The following KCNU1 variants were observed in gnomAD, a reference collection of about 807,000 sequenced individuals.
KCNU1 encodes potassium calcium-activated channel subfamily U member 1.
KCNU1 carries 93 observed loss-of-function variants against 126.8 expected under a neutral mutation model. The ratio of observed to expected loss-of-function variants is 0.73; its 90% CI spans 0.62 to 0.87. The LOEUF (loss-of-function observed/expected upper bound fraction) is 0.87. Ranked by LOEUF, KCNU1 falls within the 40% of genes least tolerant of loss-of-function variation. The pLI is 0.00. For synonymous variants in KCNU1, 523 were observed against 494.2 expected (o/e 1.06, Z -0.77); for missense variants, 1,330 against 1,367.1 (o/e 0.97, Z 0.43).
At chr8:36,898,702 T>A (rs1807297671) in intron 19 of KCNU1, among the ~76,000 whole-genome samples, 1 of 152,148 alleles carries the variant, frequency 6.6e-6, no homozygotes, top group Non-Finnish European at 1.5e-5. Flanking sequence ...GAAAACCTTA[T>A]GCCAACAACT....
At chr8:36,909,798 A>T (rs916061922) in intron 21 of KCNU1, among the ~76,000 whole-genome samples, 1 of 152,202 alleles carries the variant, frequency 6.6e-6, no homozygotes, top group Non-Finnish European at 1.5e-5. Context: ...TAAGATTTAA[A>T]TCCAGATGTT....
intron 18 of KCNU1, among the ~76,000 whole-genome samples, chr8:36,859,443 C>A (rs761812769): frequency 6.6e-6 from 1 of 152,104 alleles, no homozygotes; most frequent in African/African-American, 2.4e-5. Flanking sequence ...TTTCTCCCCG[C>A]TACTATACTC....
intron 4 of KCNU1, among the ~76,000 whole-genome samples, 168 bp from the exon 5 acceptor site, chr8:36,806,101 C>A (rs1380174491): frequency 2.0e-5 from 3 of 152,094 alleles, no homozygotes; most frequent in African/African-American, 7.2e-5. Flanking sequence ...GCCTTGGCCT[C>A]CCAAAGCATC....
At chr8:36,913,392 C>T (rs1267081481) in intron 22 of KCNU1, among the ~76,000 whole-genome samples, 1 of 151,840 alleles carries the variant, frequency 6.6e-6, no homozygotes, top group East Asian at 1.9e-4. Context: ...GAAGGAATGC[C>T]AAAGTATTTG....
intron 24 of KCNU1, among the ~76,000 whole-genome samples, chr8:36,928,687 C>T (rs1363172472): frequency 2.0e-5 from 3 of 152,152 alleles, no homozygotes; most frequent in Non-Finnish European, 4.4e-5. Flanking sequence ...TAAAAATTAC[C>T]TATCCATTGA....
intron 9 of KCNU1, among the ~76,000 whole-genome samples, chr8:36,817,161 C>T (rs1369030467): frequency 1.2e-4 from 18 of 152,070 alleles, no homozygotes; most frequent in Admixed American, 1.2e-3. Context: ...TCTGATGCTT[C>T]TTTTGTATTA....
At chr8:36,919,446 A>AAAAAT (rs1463886624) in intron 23 of KCNU1, among the ~76,000 whole-genome samples, 2 of 147,786 alleles carry the variant, frequency 1.4e-5, no homozygotes, top group Non-Finnish European at 3.0e-5. Flanking sequence ...AAAAAAAAAA[A>AAAAAT]CTCTCGAAGA....
At chr8:36,908,667 AT>A (rs1807735567) in intron 20 of KCNU1, among the ~76,000 whole-genome samples, 1 of 151,758 alleles carries the variant, frequency 6.6e-6, no homozygotes, top group South Asian at 2.1e-4. Context: ...GGGAAATTAA[AT>A]TTTTATAATA....
chr8:36,933,258 C>G (rs914026286), intron 26 of KCNU1, among the ~76,000 whole-genome samples: 3 of 152,084 alleles, frequency 2.0e-5, no homozygotes, highest in Non-Finnish European at 4.4e-5. Flanking sequence ...AATGGAGTCT[C>G]TGTCCCCCAG....
At chr8:36,847,498 C>T (rs1178896625) in intron 18 of KCNU1, among the ~76,000 whole-genome samples, 2 of 151,876 alleles carry the variant, frequency 1.3e-5, no homozygotes, top group East Asian at 3.9e-4. Flanking sequence ...CTGCATCTTC[C>T]CCTCCCTCTC....
chr8:36,927,978 G>A (rs1808582947), intron 24 of KCNU1, among the ~76,000 whole-genome samples: 1 of 135,170 alleles, frequency 7.4e-6, no homozygotes, highest in South Asian at 2.9e-4. Context: ...AAGGGAGAGA[G>A]GAAAGAAAGA....
chr8:36,903,052 C>A (rs149775715), intron 19 of KCNU1, among the ~76,000 whole-genome samples: 104 of 152,190 alleles, frequency 6.8e-4, no homozygotes, highest in African/African-American at 2.2e-3. Context: ...TGCATCAAGA[C>A]CTTGGCCACT....
At chr8:36,844,680 G>A (rs555666154) in intron 16 of KCNU1, among the ~76,000 whole-genome samples, 1 of 152,312 alleles carries the variant, frequency 6.6e-6, no homozygotes, top group Non-Finnish European at 1.5e-5. Flanking sequence ...CTTGAAAGTT[G>A]TAAGTATCCC....
chr8:36,792,377 C>T (rs1323302625), intron 2 of KCNU1, among the ~76,000 whole-genome samples: 1 of 152,120 alleles, frequency 6.6e-6, no homozygotes, highest in Non-Finnish European at 1.5e-5. Context: ...GTGTATGGCT[C>T]GTGAAGCCAG....
intron 21 of KCNU1, 21 bp downstream of exon 21, chr8:36,909,556 A>G: frequency 7.4e-7 from 1 of 1,351,256 alleles, no homozygotes. Context: ...TATAAGGAAA[A>G]GTTAATATTT....
intron 19 of KCNU1, among the ~76,000 whole-genome samples, chr8:36,868,927 C>T (rs887937017): frequency 3.3e-5 from 5 of 152,088 alleles, no homozygotes; most frequent in African/African-American, 9.7e-5. Context: ...ATTTCTGGAG[C>T]TCCCTGGTCC....
At chr8:36,809,952 A>G (rs529201125) in intron 7 of KCNU1, among the ~76,000 whole-genome samples, 1 of 152,278 alleles carries the variant, frequency 6.6e-6, no homozygotes, top group South Asian at 2.1e-4. Flanking sequence ...GAATTTCTGA[A>G]TTCTTTGGGA....
intron 22 of KCNU1, among the ~76,000 whole-genome samples, chr8:36,912,700 G>A (rs77917091): frequency 0.21 from 32,521 of 151,914 alleles, 3,965 homozygotes; most frequent in Middle Eastern, 0.33. Flanking sequence ...GGCAGGGCGC[G>A]GTGGCTCACG....
chr8:36,785,882 T>C (rs1337874066), intron 1 of KCNU1, among the ~76,000 whole-genome samples: 1 of 152,240 alleles, frequency 6.6e-6, no homozygotes, highest in Non-Finnish European at 1.5e-5. Context: ...ACTTTGGGTG[T>C]AATTTATGTC....
Sources: allele counts gnomAD v4.1 joint callset (sites outside exome capture counted in the v4.1 genomes callset), GRCh38; gene constraint gnomAD v4.1.1; transcripts MANE v1.5; gene names NCBI Gene and HGNC (gene_info 2026-07-23, HGNC 2026-07-21).